PITPNC1: variants seen among roughly 807,000 people sequenced by gnomAD.
PITPNC1 encodes phosphatidylinositol transfer protein cytoplasmic 1, also known as cytoplasmic phosphatidylinositol transfer protein 1.
Under a neutral mutation model 44.7 loss-of-function variants are expected in PITPNC1, and 18 were observed. The ratio of observed to expected loss-of-function variants is 0.40; its 90% CI spans 0.28 to 0.60. The LOEUF (loss-of-function observed/expected upper bound fraction) is 0.60, where lower values mean the gene tolerates loss of function less well. Ranked by LOEUF, PITPNC1 falls within the 20% of genes least tolerant of loss-of-function variation. The probability of loss-of-function intolerance (pLI) is 0.39; values close to 1 mark genes in which losing one functional copy is unlikely to be tolerated. For synonymous variants in PITPNC1, 141 were observed against 149.6 expected (o/e 0.94, Z 0.42); for missense variants, 290 against 418.4 (o/e 0.69, Z 2.68).
At chr17:67,413,869 A>T (rs894094581) in intron 1 of PITPNC1, among the ~76,000 whole-genome samples, 1 of 152,110 alleles carries the variant, frequency 6.6e-6, no homozygotes, top group Admixed American at 6.6e-5. Flanking sequence ...ACTCAGACCA[A>T]CTTTAAATGA....
At chr17:67,497,242 C>A (rs1165440894) in intron 1 of PITPNC1, among the ~76,000 whole-genome samples, 2 of 147,654 alleles carry the variant, frequency 1.4e-5, no homozygotes, top group African/African-American at 5.0e-5. Flanking sequence ...TTTTTTGAGA[C>A]GGCGTCTCAT....
intron 1 of PITPNC1, among the ~76,000 whole-genome samples, chr17:67,490,112 CTGTGTGTGTGTGTGTGTG>C (rs71354073): frequency 0.01 from 1,477 of 144,948 alleles, 11 homozygotes; most frequent in African/African-American, 0.023. Context: ...ACAGGCTTTT[CTGTGTGTGTGTGTGTGTG>C]TGTGTGTGTG....
intron 1 of PITPNC1, among the ~76,000 whole-genome samples, chr17:67,488,957 G>A (rs1375583898): frequency 6.6e-6 from 1 of 152,150 alleles, no homozygotes; most frequent in Non-Finnish European, 1.5e-5. Flanking sequence ...ATATTCCATT[G>A]TACGGATATA....
chr17:67,408,534 C>A (rs1173460416), intron 1 of PITPNC1, among the ~76,000 whole-genome samples: 3 of 151,738 alleles, frequency 2.0e-5, no homozygotes, highest in African/African-American at 7.3e-5. Context: ...CGTCTCAAAA[C>A]AAACAAAAAA....
intron 6 of PITPNC1, among the ~76,000 whole-genome samples, chr17:67,650,139 A>T (rs569063144): frequency 6.6e-6 from 1 of 152,306 alleles, no homozygotes; most frequent in Non-Finnish European, 1.5e-5. Context: ...CTTGTTATGC[A>T]TCCCAAAAGT....
intron 1 of PITPNC1, among the ~76,000 whole-genome samples, chr17:67,511,907 A>G (rs762660406): frequency 6.6e-6 from 1 of 152,236 alleles, no homozygotes; most frequent in Non-Finnish European, 1.5e-5. Flanking sequence ...GCAAAACTCT[A>G]GGGTGATACT....
intron 1 of PITPNC1, among the ~76,000 whole-genome samples, chr17:67,404,550 T>G (rs150351697): frequency 2.8e-3 from 432 of 152,340 alleles, no homozygotes; most frequent in African/African-American, 0.01. Context: ...AGTGAAAAAC[T>G]GAGCCTTGTA....
At chr17:67,630,435 T>C (rs1170513656) in intron 5 of PITPNC1, among the ~76,000 whole-genome samples, 1 of 152,126 alleles carries the variant, frequency 6.6e-6, no homozygotes, top group Non-Finnish European at 1.5e-5. Flanking sequence ...CTGGCCACCA[T>C]GGTGAAACCC....
intron 5 of PITPNC1, among the ~76,000 whole-genome samples, chr17:67,605,905 A>G (rs1426308104): frequency 7.2e-5 from 11 of 152,218 alleles, no homozygotes; most frequent in Admixed American, 7.2e-4. Context: ...CATAAGTTCA[A>G]TGCTCAGTTT....
At chr17:67,588,710 T>G (rs1365017492) in intron 5 of PITPNC1, among the ~76,000 whole-genome samples, 1 of 152,208 alleles carries the variant, frequency 6.6e-6, no homozygotes, top group Non-Finnish European at 1.5e-5. Context: ...CATTTGTATT[T>G]GTAACTCCAA....
intron 6 of PITPNC1, among the ~76,000 whole-genome samples, chr17:67,645,368 A>T (rs989196350): frequency 1.1e-4 from 17 of 151,722 alleles, no homozygotes; most frequent in Admixed American, 2.0e-4. Flanking sequence ...AAAAAGAGAA[A>T]GTGATTTGTT....
chr17:67,400,382 A>G (rs1436719301), intron 1 of PITPNC1, among the ~76,000 whole-genome samples: 1 of 152,184 alleles, frequency 6.6e-6, no homozygotes, highest in Non-Finnish European at 1.5e-5. Context: ...TTGCCATTGG[A>G]AATAGGCCAA....
intron 1 of PITPNC1, among the ~76,000 whole-genome samples, chr17:67,450,101 C>T (rs1400432758): frequency 1.3e-5 from 2 of 152,232 alleles, no homozygotes; most frequent in African/African-American, 4.8e-5. Context: ...AACACTTATA[C>T]TTCCTGTAAA....
At chr17:67,539,471 T>C (rs2040573996) in intron 2 of PITPNC1, among the ~76,000 whole-genome samples, 1 of 152,256 alleles carries the variant, frequency 6.6e-6, no homozygotes, top group South Asian at 2.1e-4. Flanking sequence ...TCCACAGCAG[T>C]TCAACTTAAT....
At chr17:67,668,542 G>C (rs1399114181) in intron 6 of PITPNC1, among the ~76,000 whole-genome samples, 1 of 151,940 alleles carries the variant, frequency 6.6e-6, no homozygotes, top group Admixed American at 6.6e-5. Context: ...GGGCAACATA[G>C]TGAGACCCAT....
intron 1 of PITPNC1, among the ~76,000 whole-genome samples, chr17:67,424,523 G>C (rs540248152): frequency 1.3e-3 from 198 of 152,068 alleles, no homozygotes; most frequent in African/African-American, 4.1e-3. Flanking sequence ...TGGGCGTGGT[G>C]GTGGGCGCCT....
chr17:67,636,230 C>T (rs963629854), intron 6 of PITPNC1, among the ~76,000 whole-genome samples: 22 of 144,368 alleles, frequency 1.5e-4, no homozygotes, highest in African/African-American at 5.8e-4. Context: ...CCCAGGAGGC[C>T]GAGATTGCGC....
chr17:67,409,814 A>G (rs2038465243), intron 1 of PITPNC1, among the ~76,000 whole-genome samples: 1 of 152,200 alleles, frequency 6.6e-6, no homozygotes, highest in Admixed American at 6.5e-5. Context: ...CTGGGATTAC[A>G]GGCATGAGCC....
intron 1 of PITPNC1, among the ~76,000 whole-genome samples, chr17:67,522,960 A>G (rs1056099323): frequency 2.0e-5 from 3 of 152,228 alleles, no homozygotes; most frequent in Admixed American, 1.3e-4. Flanking sequence ...ATAGACTACC[A>G]TGCCTGGCCC....
Sources: gnomAD v4.1 joint callset for allele counts (sites outside exome capture counted in the v4.1 genomes callset) on GRCh38, gnomAD v4.1.1 for gene constraint, MANE v1.5 for transcripts, NCBI Gene and HGNC (gene_info 2026-07-23, HGNC 2026-07-21) for gene names.